Variants in L3MBTL3 observed in about 807,000 individuals in gnomAD.
L3MBTL3 encodes the protein L3MBTL histone methyl-lysine binding protein 3.
Under a neutral mutation model 102.3 loss-of-function variants are expected in L3MBTL3, and 27 were observed. That is an observed-to-expected ratio of 0.26 (90% CI 0.19 to 0.36). The LOEUF is 0.36. Ranked by LOEUF, L3MBTL3 falls within the 10% of genes least tolerant of loss-of-function variation. The pLI is 1.00. For missense variants in L3MBTL3, 798 were observed against 955.3 expected, an observed-to-expected ratio of 0.84 and a Z score of 2.17; for synonymous variants, 340 against 320.9, an observed-to-expected ratio of 1.06 and a Z score of -0.64.
chr6:130,055,293 T>G (rs764553852), intron 8 of L3MBTL3, 38 bp downstream of exon 8: 1 of 1,517,430 alleles, frequency 6.6e-7, no homozygotes, highest in Admixed American at 1.9e-5. Flanking sequence ...TGTAACTTTA[T>G]GAAATTGGAA....
Position 130,110,776 on chromosome 6 carries a change from TC to T in L3MBTL3, c.1886+6202del, listed in dbSNP as rs1785301104. ...GGGCATCCTTGTCTTGTGCCGGTTT[TC>T]AAAGGGAATGCTTCCAGCTTTTGCC... On this transcript the variant is annotated intron_variant, in intron 19 of 22. Transcript: ENST00000361794. Among the ~76,000 whole-genome samples, 6 of 152,348 alleles carry T rather than the reference TC, an allele frequency of 3.9e-5. No homozygotes were observed. The South Asian group carries it at 1.2e-3, about 32-fold the overall frequency.
intron 2 of L3MBTL3, among the ~76,000 whole-genome samples, chr6:130,036,926 G>A (rs1780103205): frequency 6.6e-6 from 1 of 152,150 alleles, no homozygotes. Flanking sequence ...GCTCACTGTT[G>A]GAAACAGTCT....
At chr6:130,090,895 A>G (rs1365317147) in intron 16 of L3MBTL3, among the ~76,000 whole-genome samples, 1 of 151,546 alleles carries the variant, frequency 6.6e-6, no homozygotes, top group African/African-American at 2.4e-5. Context: ...CCTCAAATTT[A>G]TTGTCTTTTC....
intron 11 of L3MBTL3, among the ~76,000 whole-genome samples, chr6:130,068,035 C>G (rs1423768722): frequency 6.6e-6 from 1 of 152,118 alleles, no homozygotes; most frequent in African/African-American, 2.4e-5. Flanking sequence ...GGAATTCTAC[C>G]TAAATACTGG....
intron 19 of L3MBTL3, among the ~76,000 whole-genome samples, 193 bp from the exon 20 acceptor site, chr6:130,120,686 A>G (rs1786096795): frequency 6.6e-6 from 1 of 152,192 alleles, no homozygotes; most frequent in Non-Finnish European, 1.5e-5. Flanking sequence ...GGAAATGAAA[A>G]TTGATAATGA....
chr6:130,104,147 T>A (rs1025657831), intron 18 of L3MBTL3, among the ~76,000 whole-genome samples: 2 of 152,230 alleles, frequency 1.3e-5, no homozygotes, highest in Non-Finnish European at 2.9e-5. Context: ...TCCAGAGATA[T>A]GCACAGAGGT....
chr6:130,102,867 C>A (rs995431218), intron 18 of L3MBTL3, among the ~76,000 whole-genome samples: 21 of 152,288 alleles, frequency 1.4e-4, no homozygotes, highest in African/African-American at 4.8e-4. Context: ...GTGTTTATCA[C>A]CATATGAAGT....
intron 2 of L3MBTL3, among the ~76,000 whole-genome samples, chr6:130,030,705 C>G (rs1051013638): frequency 6.0e-5 from 9 of 149,508 alleles, no homozygotes; most frequent in African/African-American, 2.0e-4. Context: ...GATTTAAACC[C>G]AGGCACTGGG....
chr6:130,114,687 A>G (rs935965524), intron 19 of L3MBTL3, among the ~76,000 whole-genome samples: 1 of 152,232 alleles, frequency 6.6e-6, no homozygotes, highest in Non-Finnish European at 1.5e-5. Context: ...TTAGATACAC[A>G]GTAAACCATG....
intron 14 of L3MBTL3, among the ~76,000 whole-genome samples, chr6:130,082,887 A>G (rs1000803405): frequency 2.0e-5 from 3 of 152,166 alleles, no homozygotes; most frequent in African/African-American, 7.2e-5. Context: ...TTCAAATCCA[A>G]CACATCAGCT....
chr6:130,094,165 A>G, intron 17 of L3MBTL3, 100 bp from the exon 18 acceptor site: 1 of 805,464 alleles, frequency 1.2e-6, no homozygotes, highest in South Asian at 2.3e-5. Context: ...TTGGATTTTT[A>G]GGGAGTCTTT....
At chr6:130,138,437 C>G (rs1259741294) in intron 22 of L3MBTL3, 3 of 152,244 alleles carry the variant, frequency 2.0e-5, no homozygotes, top group Admixed American at 2.0e-4. Context: ...ATGGTGGTCT[C>G]TCTTTGGGTC....
intron 18 of L3MBTL3, among the ~76,000 whole-genome samples, chr6:130,099,028 A>G (rs1022967837): frequency 1.3e-5 from 2 of 151,946 alleles, no homozygotes; most frequent in African/African-American, 2.4e-5. Flanking sequence ...ATTACAATTA[A>G]AAGGGTTTTT....
At chr6:130,077,546 G>A (rs959730767) in intron 13 of L3MBTL3, among the ~76,000 whole-genome samples, 1 of 152,226 alleles carries the variant, frequency 6.6e-6, no homozygotes, top group African/African-American at 2.4e-5. Flanking sequence ...GCATTCAGTA[G>A]TGGTTACATG....
chr6:130,023,646 C>T (rs1409486727), intron 2 of L3MBTL3, among the ~76,000 whole-genome samples: 1 of 152,150 alleles, frequency 6.6e-6, no homozygotes, highest in African/African-American at 2.4e-5. Context: ...CAATACTTGC[C>T]TTGCATCTTT....
At chr6:130,119,845 G>A (rs986156003) in intron 19 of L3MBTL3, among the ~76,000 whole-genome samples, 2 of 152,116 alleles carry the variant, frequency 1.3e-5, no homozygotes, top group Non-Finnish European at 2.9e-5. Flanking sequence ...TGTATTTATT[G>A]CATGCTTACT....
intron 9 of L3MBTL3, among the ~76,000 whole-genome samples, chr6:130,059,044 C>T (rs1781716216): frequency 6.7e-6 from 1 of 149,660 alleles, no homozygotes; most frequent in Non-Finnish European, 1.5e-5. Context: ...TTTTCTGTAG[C>T]TTTGGTCCTT....
chr6:130,042,662 T>G lies in L3MBTL3; in HGVS notation c.-15-23T>G, dbSNP rs781478021. The G allele has an allele frequency of 2.0e-5, 26 of 1,312,890 alleles. No homozygotes were observed. The East Asian group carries it at 5.8e-4, about 29-fold the overall frequency. The allele number at this position is 1,312,890 out of a possible 1,614,324, so 81.3% of individuals were successfully genotyped here. A position where few individuals can be genotyped will look rare whatever the true frequency, so the allele number is the denominator to read the frequency against. ...GATTTCCATGTGGAATATTTAGTGA[T>G]ATGCCTTCTTTTCCCCTTTCAGGTT... On this transcript the variant is annotated intron_variant, in intron 2 of 22. Transcript: ENST00000361794.
At position 130,133,442 on chromosome 6, in the gene L3MBTL3, C is replaced by A; in HGVS notation, c.1967-10C>A. Reference sequence around the variant, plus strand: ...CAGAGAGTGATTTCCCATTTGTTTTCATTGACCAGGTGCCCGGGAAGAACC... The same window carrying A: ...CAGAGAGTGATTTCCCATTTGTTTTAATTGACCAGGTGCCCGGGAAGAACC... On this transcript the variant is annotated splice_polypyrimidine_tract_variant and intron_variant, in intron 20 of 22. Coordinates refer to ENST00000361794, the MANE Select transcript of L3MBTL3 (RefSeq NM_032438.4). This position sits in a 1 kb window ranked among gnomAD's most constrained non-coding sequence, Gnocchi z 4.9. 1.2e-6 allele frequency: 2 copies of A among 1,612,234 alleles called. No homozygotes were observed. The highest frequency in any genetic ancestry group is 1.7e-6 in the Non-Finnish European group (2 of 1,178,966).
Sources: gnomAD v4.1 joint callset for allele counts (sites outside exome capture counted in the v4.1 genomes callset) on GRCh38, gnomAD v4.1.1 for gene constraint, Gnocchi (gnomAD v3.1) non-coding constraint, MANE v1.5 for transcripts, NCBI Gene and HGNC (gene_info 2026-07-23, HGNC 2026-07-21) for gene names.